KIAA1958: variants seen among roughly 807,000 people sequenced by gnomAD.
The protein encoded by KIAA1958 is uncharacterized protein KIAA1958.
Under a neutral mutation model 47.2 loss-of-function variants are expected in KIAA1958, and 14 were observed. The ratio of observed to expected loss-of-function variants is 0.30; its 90% CI spans 0.20 to 0.46. The LOEUF (loss-of-function observed/expected upper bound fraction) is 0.46. Ranked by LOEUF, KIAA1958 falls within the 20% of genes least tolerant of loss-of-function variation. The probability of loss-of-function intolerance (pLI) is 1.00; values close to 1 mark genes in which losing one functional copy is unlikely to be tolerated. For missense variants in KIAA1958, 803 were observed against 909.2 expected (o/e 0.88, Z 1.50); for synonymous variants, 354 against 353.3 (o/e 1.00, Z -0.02).
intron 1 of KIAA1958, among the ~76,000 whole-genome samples, chr9:112,560,371 T>C (rs1320334056): frequency 6.6e-6 from 1 of 151,862 alleles, no homozygotes; most frequent in Non-Finnish European, 1.5e-5. Context: ...TGGCTAATTT[T>C]TTAAATGTTT....
At chr9:112,508,393 A>G (rs1295948546) in intron 1 of KIAA1958, among the ~76,000 whole-genome samples, 1 of 152,256 alleles carries the variant, frequency 6.6e-6, no homozygotes, top group Non-Finnish European at 1.5e-5. Flanking sequence ...TAAAAAGCTT[A>G]AATTCTCATT....
At chr9:112,561,681 C>A (rs1006042182) in intron 1 of KIAA1958, among the ~76,000 whole-genome samples, 1 of 152,038 alleles carries the variant, frequency 6.6e-6, no homozygotes, top group Non-Finnish European at 1.5e-5. Flanking sequence ...ATAGTGGAAC[C>A]CTGTCTCTAC....
intron 1 of KIAA1958, among the ~76,000 whole-genome samples, chr9:112,507,633 A>AG (rs1834253463): frequency 6.6e-6 from 1 of 152,150 alleles, no homozygotes; most frequent in Non-Finnish European, 1.5e-5. Flanking sequence ...ACAGGCCCTG[A>AG]GCGACTCACT....
rs1471639672 is a variant in KIAA1958 at position 112,660,035 on chromosome 9, C to T, written c.2117C>T (p.Ser706Phe). 37 of 1,613,680 alleles carry T rather than the reference C, an allele frequency of 2.3e-5. No homozygotes were observed. The highest frequency in any genetic ancestry group is 3.1e-5 in the Non-Finnish European group (36 of 1,180,034). ...ACCTTTGTCTCGTTCACTCAGGTCT[C>T]CCGGAGGCTTGGCTCCCACAGCTGC... is the stretch of plus-strand genomic sequence containing the variant. ...NFTFVSFTQV[S>F]RRLGSHSCCQ The change falls in exon 4 of 4, where the codon TCC becomes TTC. Residue 706 changes from serine (S) to phenylalanine (F), a missense_variant. Ser to Phe is a radical substitution (Grantham distance 155, BLOSUM62 -2). Around this residue, in one of 2 missense-constraint regions of KIAA1958, gnomAD observed 761 missense variants for 829.3 expected, o/e 0.92. Transcript: ENST00000337530.
intron 1 of KIAA1958, among the ~76,000 whole-genome samples, chr9:112,495,410 T>G (rs1188530431): frequency 6.6e-6 from 1 of 152,216 alleles, no homozygotes; most frequent in African/African-American, 2.4e-5. Flanking sequence ...GATTTCCTCC[T>G]TTGTTGCTTA....
At chr9:112,609,428 A>G (rs1478342102) in intron 2 of KIAA1958, among the ~76,000 whole-genome samples, 1 of 152,222 alleles carries the variant, frequency 6.6e-6, no homozygotes, top group Non-Finnish European at 1.5e-5. Flanking sequence ...TGCAGTAAAT[A>G]TAGGAATTTA....
chr9:112,659,237 T>A lies in KIAA1958; in HGVS notation c.1345-26T>A, dbSNP rs1006743780. 3 of 1,588,122 alleles carry A rather than the reference T, an allele frequency of 1.9e-6. No homozygotes were observed. In the African/African-American group the frequency reaches 4.0e-5, roughly 21 times the overall value. ...TCTGGCTGTGTGAGTGTCAAGTGTGTAACCTCCGTGTTTGTCTCATTTGAG... is the reference window on the plus strand; with the variant it reads ...TCTGGCTGTGTGAGTGTCAAGTGTGAAACCTCCGTGTTTGTCTCATTTGAG... On this transcript the variant is annotated intron_variant, in intron 3 of 3. Coordinates refer to ENST00000337530, the MANE Select transcript of KIAA1958 (RefSeq NM_133465.4).
At chr9:112,538,057 C>T (rs1588007784) in intron 1 of KIAA1958, among the ~76,000 whole-genome samples, 1 of 152,092 alleles carries the variant, frequency 6.6e-6, no homozygotes, top group Non-Finnish European at 1.5e-5. Context: ...TCAGGTTGCA[C>T]GGGTGGCTCA....
chr9:112,513,100 G>A (rs2132782746), intron 1 of KIAA1958, among the ~76,000 whole-genome samples: 1 of 143,238 alleles, frequency 7.0e-6, no homozygotes, highest in East Asian at 2.1e-4. Flanking sequence ...TGCCTCCTGG[G>A]TTTAAGCGAT....
At chr9:112,644,603 A>G (rs894673743) in intron 2 of KIAA1958, among the ~76,000 whole-genome samples, 2 of 95,394 alleles carry the variant, frequency 2.1e-5, no homozygotes, top group African/African-American at 3.6e-5. Context: ...TCCTTTGGCA[A>G]CCAACATTTA....
At chr9:112,555,048 G>C (rs1158252139) in intron 1 of KIAA1958, among the ~76,000 whole-genome samples, 1 of 152,208 alleles carries the variant, frequency 6.6e-6, no homozygotes, top group East Asian at 1.9e-4. Context: ...ACACAGAAAG[G>C]TAATTAGTGC....
chr9:112,641,293 G>A (rs1205360398), intron 2 of KIAA1958, among the ~76,000 whole-genome samples: 2 of 144,992 alleles, frequency 1.4e-5, no homozygotes, highest in East Asian at 2.0e-4. Flanking sequence ...TTCATTTACA[G>A]TCTTTTTCCC....
chr9:112,623,314 T>G (rs762083265), intron 2 of KIAA1958, among the ~76,000 whole-genome samples: 4 of 152,236 alleles, frequency 2.6e-5, no homozygotes, highest in African/African-American at 7.2e-5. Context: ...TAGGTAAGTA[T>G]TATTATTTCC....
At chr9:112,554,844 T>C (rs1319624794) in intron 1 of KIAA1958, among the ~76,000 whole-genome samples, 1 of 152,192 alleles carries the variant, frequency 6.6e-6, no homozygotes, top group African/African-American at 2.4e-5. Flanking sequence ...ACAGCCTGAT[T>C]TGGAGCCACT....
At chr9:112,553,871 G>A (rs1451923580) in intron 1 of KIAA1958, among the ~76,000 whole-genome samples, 2 of 152,076 alleles carry the variant, frequency 1.3e-5, no homozygotes. Flanking sequence ...TGTTCACAAG[G>A]CCTGATAAGT....
At chr9:112,631,314 G>A (rs1400418565) in intron 2 of KIAA1958, among the ~76,000 whole-genome samples, 3 of 152,052 alleles carry the variant, frequency 2.0e-5, no homozygotes, top group African/African-American at 7.2e-5. Flanking sequence ...CTTGAGCCCA[G>A]GGGTTCAAGA....
At chr9:112,565,782 TA>T (rs1835418040) in intron 1 of KIAA1958, among the ~76,000 whole-genome samples, 1 of 152,232 alleles carries the variant, frequency 6.6e-6, no homozygotes, top group Admixed American at 6.5e-5. Flanking sequence ...AATATATTGA[TA>T]GTAATTCTGG....
rs571509110 is a variant in KIAA1958, at chr9:112,628,079, G to A, written c.1172-17571G>A. ...ATTTATACTCTTAAAATGAGTGGGG[G>A]GAAGCTGTCATAAAGTGTTAAGAAA... On this transcript the variant is annotated intron_variant, in intron 2 of 3. Coordinates refer to ENST00000337530, the MANE Select transcript of KIAA1958 (RefSeq NM_133465.4). Among the ~76,000 whole-genome samples the A allele has an allele frequency of 5.9e-5, 9 of 152,288 alleles. No individual in the cohort carries two copies. The South Asian group carries it at 1.9e-3, about 32-fold the overall frequency.
chr9:112,610,483 G>T (rs1344671163), intron 2 of KIAA1958, among the ~76,000 whole-genome samples: 2 of 152,052 alleles, frequency 1.3e-5, no homozygotes, highest in African/African-American at 2.4e-5. Flanking sequence ...AGGAAGCATA[G>T]ATATAGAAGA....
Sources: gnomAD v4.1 joint callset for allele counts (sites outside exome capture counted in the v4.1 genomes callset) on GRCh38, gnomAD v4.1.1 for gene constraint, gnomAD v4.1.1 regional missense constraint, MANE v1.5 for transcripts, NCBI Gene and HGNC (gene_info 2026-07-23, HGNC 2026-07-21) for gene names.